The following MAST4 variants were observed in gnomAD, a reference collection of about 807,000 sequenced individuals.
MAST4 encodes microtubule associated serine/threonine kinase family member 4.
Under a neutral mutation model 162.7 loss-of-function variants are expected in MAST4, and 89 were observed. The observed-to-expected ratio is 0.55, with a 90% CI of 0.46 to 0.65. MAST4 has a LOEUF of 0.65. Ranked by LOEUF, MAST4 falls within the 30% of genes least tolerant of loss-of-function variation. The pLI is 0.00. For missense variants in MAST4, 3,153 were observed against 3,374.0 expected, an observed-to-expected ratio of 0.93 and a Z score of 1.62; for synonymous variants, 1,479 against 1,361.1, an observed-to-expected ratio of 1.09 and a Z score of -1.91.
At chr5:66,720,844 A>G (rs954774461) in intron 1 of MAST4, among the ~76,000 whole-genome samples, 4 of 152,138 alleles carry the variant, frequency 2.6e-5, no homozygotes, top group Non-Finnish European at 4.4e-5. Flanking sequence ...TCAAACTTTA[A>G]ACATCTGTCC....
intron 1 of MAST4, among the ~76,000 whole-genome samples, chr5:66,667,060 T>C (rs1002432661): frequency 6.6e-6 from 1 of 152,172 alleles, no homozygotes; most frequent in African/African-American, 2.4e-5. Flanking sequence ...ACATCATGCT[T>C]TGGGCTAAGG....
Position 66,731,615 on chromosome 5 carries a change from A to G in MAST4, c.364-28094A>G, listed in dbSNP as rs2149555376. ...CTTCCAACTTTTTTTTGTTGTTAACAAAAGGCAGTCTTTTCCTCTGGCTTA... is the reference window on the plus strand; with the variant it reads ...CTTCCAACTTTTTTTTGTTGTTAACGAAAGGCAGTCTTTTCCTCTGGCTTA... On this transcript the variant is annotated intron_variant, in intron 1 of 28. Transcript: ENST00000403625. 1.3e-5 allele frequency among the ~76,000 whole-genome samples: 2 copies of G among 152,250 alleles called. 1 individual carries two copies. The highest frequency in any genetic ancestry group is 4.2e-4 in the South Asian group (2 of 4,814).
At chr5:67,026,660 T>G (rs17219327) in intron 4 of MAST4, among the ~76,000 whole-genome samples, 2 of 151,950 alleles carry the variant, frequency 1.3e-5, no homozygotes, top group African/African-American at 4.8e-5. Context: ...TTCTAGGGTT[T>G]CATACAGTTT....
In MAST4 at chr5:67,006,919, A is replaced by G. The variant is rs184386227; in HGVS notation, c.675-47485A>G. Among the ~76,000 whole-genome samples the G allele has an allele frequency of 8.8e-4, 134 of 152,272 alleles. 2 individuals carry two copies. Among genetic ancestry groups the G allele is most frequent in the African/African-American group, 3.1e-3 (129 of 41,566 alleles). On this transcript the variant is annotated intron_variant, in intron 4 of 28. Transcript: ENST00000403625. Reference sequence around the variant, plus strand: ...TTCAATTTGGCAAAATAGAGAGGGAAGGGGATTTTCTTCTCCCCCTTTTAA... The same window carrying G: ...TTCAATTTGGCAAAATAGAGAGGGAGGGGGATTTTCTTCTCCCCCTTTTAA...
intron 3 of MAST4, among the ~76,000 whole-genome samples, 182 bp downstream of exon 3, chr5:66,788,976 A>C (rs893785906): frequency 3.9e-5 from 6 of 152,308 alleles, no homozygotes; most frequent in East Asian, 1.9e-4. Flanking sequence ...AGTTTGGAGG[A>C]TTTCTCTCAA....
At chr5:66,646,812 C>T (rs1012549489) in intron 1 of MAST4, among the ~76,000 whole-genome samples, 3 of 152,140 alleles carry the variant, frequency 2.0e-5, no homozygotes, top group Non-Finnish European at 2.9e-5. Flanking sequence ...CAAGCAGCTC[C>T]GCTCGCTGAC....
intron 3 of MAST4, among the ~76,000 whole-genome samples, chr5:66,890,757 T>C (rs1395202525): frequency 1.3e-5 from 2 of 152,160 alleles, no homozygotes; most frequent in Non-Finnish European, 2.9e-5. Context: ...ATAATTAACA[T>C]ACTCTGGACT....
chr5:66,763,633 ACT>A (rs1033806042), intron 2 of MAST4, among the ~76,000 whole-genome samples: 27 of 152,164 alleles, frequency 1.8e-4, no homozygotes, highest in African/African-American at 5.8e-4. Context: ...ATTGAAAGAG[ACT>A]CACAATATAT....
chr5:67,080,659 A>G (rs1762492613), intron 5 of MAST4, among the ~76,000 whole-genome samples: 1 of 152,050 alleles, frequency 6.6e-6, no homozygotes, highest in African/African-American at 2.4e-5. Flanking sequence ...ATTAGAGTGA[A>G]TACTCTTAGT....
chr5:66,892,252 A>G (rs962774823), intron 3 of MAST4, among the ~76,000 whole-genome samples: 1 of 152,218 alleles, frequency 6.6e-6, no homozygotes, highest in Non-Finnish European at 1.5e-5. Flanking sequence ...GTTAGCATGA[A>G]TAACAAGAAA....
intron 3 of MAST4, among the ~76,000 whole-genome samples, chr5:66,838,098 T>C (rs1758156027): frequency 6.6e-6 from 1 of 151,740 alleles, no homozygotes. Context: ...CCCATGGCAC[T>C]GGTAGTGTCC....
intron 1 of MAST4, among the ~76,000 whole-genome samples, chr5:66,730,778 T>TGTGTG (rs74344656): frequency 6.6e-6 from 1 of 151,748 alleles, no homozygotes; most frequent in Non-Finnish European, 1.5e-5. Flanking sequence ...TGTGTGTGTG[T>TGTGTG]TTCTGAATTC....
chr5:66,795,628 G>A (rs749730501), intron 3 of MAST4, among the ~76,000 whole-genome samples: 2 of 152,154 alleles, frequency 1.3e-5, no homozygotes, highest in African/African-American at 2.4e-5. Flanking sequence ...AATCAATATG[G>A]TTATTGGACC....
At chr5:66,965,590 G>GC (rs1746623056) in intron 4 of MAST4, among the ~76,000 whole-genome samples, 3 of 120,976 alleles carry the variant, frequency 2.5e-5, no homozygotes, top group Admixed American at 1.6e-4. Flanking sequence ...GTGGGGGCGG[G>GC]GGGGGGGGCG....
intron 1 of MAST4, among the ~76,000 whole-genome samples, chr5:66,665,446 C>A (rs551930155): frequency 1.3e-5 from 2 of 152,320 alleles, no homozygotes; most frequent in South Asian, 4.2e-4. Flanking sequence ...AGTATATCTG[C>A]TGTAAGAATA....
chr5:67,038,661 C>T (rs535706851), intron 4 of MAST4, among the ~76,000 whole-genome samples: 8 of 152,316 alleles, frequency 5.3e-5, no homozygotes, highest in African/African-American at 1.4e-4. Context: ...GCTTACCACT[C>T]ATCTCCCTTC....
At chr5:67,110,884 T>C (rs1037317956) in intron 11 of MAST4, among the ~76,000 whole-genome samples, 5 of 152,058 alleles carry the variant, frequency 3.3e-5, no homozygotes, top group African/African-American at 1.2e-4. Context: ...AGTAGCCAGG[T>C]GTGGTGGTGC....
intron 3 of MAST4, among the ~76,000 whole-genome samples, chr5:66,820,679 C>T (rs879435929): frequency 2.6e-5 from 4 of 152,048 alleles, no homozygotes; most frequent in Non-Finnish European, 4.4e-5. Flanking sequence ...GAATATTTTC[C>T]TGCTGTGATT....
intron 10 of MAST4, among the ~76,000 whole-genome samples, chr5:67,106,060 T>C (rs1193237891): frequency 6.6e-6 from 1 of 152,208 alleles, no homozygotes; most frequent in Non-Finnish European, 1.5e-5. Flanking sequence ...TTCCTTTTAA[T>C]TTATTGTTCT....
Sources: allele counts gnomAD v4.1 joint callset (sites outside exome capture counted in the v4.1 genomes callset), GRCh38; gene constraint gnomAD v4.1.1; transcripts MANE v1.5; gene names NCBI Gene and HGNC (gene_info 2026-07-23, HGNC 2026-07-21).